The following DGCR2 variants were observed in gnomAD, a reference collection of about 807,000 sequenced individuals.
DGCR2 encodes the protein DiGeorge syndrome critical region gene 2.
A neutral mutation model predicts 51.6 loss-of-function variants in DGCR2; 24 were observed. That is an observed-to-expected ratio of 0.47 (90% CI 0.34 to 0.65). The LOEUF is 0.65. Among genes scored for constraint, DGCR2 ranks in the 30% least tolerant of loss-of-function variants. DGCR2 has a pLI of 0.01. For synonymous variants in DGCR2, 340 were observed against 315.4 expected (o/e 1.08, Z -0.82); for missense variants, 765 against 772.1 (o/e 0.99, Z 0.11).
At chr22:19,062,628 C>T (rs773740245) in intron 5 of DGCR2, among the ~76,000 whole-genome samples, 14 of 152,122 alleles carry the variant, frequency 9.2e-5, no homozygotes, top group Admixed American at 2.6e-4. Context: ...AGGAGGAGCT[C>T]GCCAGTGCCA....
At chr22:19,091,966 G>C (rs73158839) in intron 1 of DGCR2, among the ~76,000 whole-genome samples, 21,532 of 151,972 alleles carry the variant, frequency 0.14, 1,965 homozygotes, top group South Asian at 0.28. Flanking sequence ...GAAAAATAGA[G>C]AAAATAAGAA....
rs764835567 is a variant in DGCR2 at position 19,057,207 on chromosome 22, G to A, written c.626-45C>T. Reference sequence around the variant, plus strand: ...TGGGGCTGGACAACATCACATCAGAGGACAAGCTGTGCAGTCCTCAAGGGG... The same window carrying A: ...TGGGGCTGGACAACATCACATCAGAAGACAAGCTGTGCAGTCCTCAAGGGG... On this transcript the variant is annotated intron_variant, in intron 5 of 9. Coordinates refer to ENST00000263196, the MANE Select transcript of DGCR2 (RefSeq NM_005137.3). The surrounding 1 kb of genome is among the most constrained non-coding windows in gnomAD (Gnocchi z 5.1). 2.6e-6 allele frequency: 4 copies of A among 1,540,854 alleles called. No homozygotes were observed. The highest frequency in any genetic ancestry group is 3.5e-6 in the Non-Finnish European group (4 of 1,140,458).
chr22:19,118,228 C>T (rs1316696672), intron 1 of DGCR2, among the ~76,000 whole-genome samples: 1 of 152,026 alleles, frequency 6.6e-6, no homozygotes, highest in African/African-American at 2.4e-5. Flanking sequence ...CAAAATTATC[C>T]CAGCATGGTG....
chr22:19,093,901 G>A (rs572401086), intron 1 of DGCR2, among the ~76,000 whole-genome samples: 10 of 152,294 alleles, frequency 6.6e-5, no homozygotes, highest in Non-Finnish European at 1.5e-4. Context: ...AGCTACTCAG[G>A]AGGCTGAGGC....
At chr22:19,068,835 G>A (rs1216461462) in intron 2 of DGCR2, among the ~76,000 whole-genome samples, 1 of 152,280 alleles carries the variant, frequency 6.6e-6, no homozygotes, top group Non-Finnish European at 1.5e-5. Context: ...GCTAGAAGGT[G>A]TCAACAGGCA....
chr22:19,047,785 A>T (rs1013168250), intron 7 of DGCR2: 3 of 153,038 alleles, frequency 2.0e-5, no homozygotes, highest in African/African-American at 7.2e-5. Context: ...ATAATACTTC[A>T]TCTTTTTCTC....
intron 2 of DGCR2, among the ~76,000 whole-genome samples, chr22:19,075,000 A>T (rs186005048): frequency 6.3e-4 from 96 of 152,334 alleles, no homozygotes; most frequent in African/African-American, 2.2e-3. Context: ...CAAGGATACA[A>T]TCTTTCATTT....
chr22:19,065,988 T>G (rs529127942), intron 3 of DGCR2: 1 of 152,208 alleles, frequency 6.6e-6, no homozygotes, highest in Non-Finnish European at 1.5e-5. Flanking sequence ...TAAAGGCACA[T>G]AGATTACAGA....
At chr22:19,084,820 T>C (rs1232736608) in intron 2 of DGCR2, among the ~76,000 whole-genome samples, 6 of 118,524 alleles carry the variant, frequency 5.1e-5, no homozygotes, top group South Asian at 5.8e-4. Flanking sequence ...GGGGGGCGCC[T>C]CCGCCCGGCC....
At chr22:19,086,953 T>C (rs1457074321) in intron 2 of DGCR2, among the ~76,000 whole-genome samples, 1 of 152,182 alleles carries the variant, frequency 6.6e-6, no homozygotes, top group East Asian at 1.9e-4. Context: ...GGACAGTTAT[T>C]ACAAACAACT....
intron 5 of DGCR2, among the ~76,000 whole-genome samples, chr22:19,060,043 G>A (rs975564176): frequency 6.6e-6 from 1 of 152,146 alleles, no homozygotes; most frequent in African/African-American, 2.4e-5. Flanking sequence ...GCTCCCGAAT[G>A]CCCCACCACG....
intron 1 of DGCR2, among the ~76,000 whole-genome samples, chr22:19,093,773 C>G (rs1158715244): frequency 6.6e-6 from 1 of 151,846 alleles, no homozygotes; most frequent in Non-Finnish European, 1.5e-5. Context: ...AAGGTGGGAG[C>G]AACACTTGAG....
At chr22:19,076,488 T>C (rs1232450559) in intron 2 of DGCR2, among the ~76,000 whole-genome samples, 1 of 152,000 alleles carries the variant, frequency 6.6e-6, no homozygotes, top group Admixed American at 6.6e-5. Context: ...TTAATTTGGG[T>C]GGCACTGTCA....
intron 5 of DGCR2, among the ~76,000 whole-genome samples, chr22:19,060,175 C>T (rs1190756056): frequency 2.0e-5 from 3 of 152,214 alleles, no homozygotes; most frequent in Non-Finnish European, 4.4e-5. Flanking sequence ...ATGCACCTTC[C>T]AGTGGCTGCT....
chr22:19,072,415 T>C (rs1433763378), intron 2 of DGCR2, among the ~76,000 whole-genome samples: 2 of 151,966 alleles, frequency 1.3e-5, no homozygotes, highest in East Asian at 3.9e-4. Flanking sequence ...ATACAGCAGA[T>C]AGGGAAGGAC....
At chr22:19,070,270 AC>A (rs1253741826) in intron 2 of DGCR2, among the ~76,000 whole-genome samples, 3 of 152,212 alleles carry the variant, frequency 2.0e-5, no homozygotes, top group Non-Finnish European at 4.4e-5. Context: ...TGGGCCTGAG[AC>A]TGGAAGCTGA....
chr22:19,083,871 G>A (rs1275891865), intron 2 of DGCR2, among the ~76,000 whole-genome samples: 1 of 151,966 alleles, frequency 6.6e-6, no homozygotes, highest in Non-Finnish European at 1.5e-5. Flanking sequence ...GGCGCGCGCC[G>A]CCATGCCTGA....
At chr22:19,064,405 G>A (rs1304326833) in intron 4 of DGCR2, among the ~76,000 whole-genome samples, 1 of 152,224 alleles carries the variant, frequency 6.6e-6, no homozygotes, top group Non-Finnish European at 1.5e-5. Context: ...CATAACTGTG[G>A]AGTCAAAACC....
chr22:19,046,680 G>T (rs2082493059), intron 7 of DGCR2: 1 of 361,884 alleles, frequency 2.8e-6, no homozygotes, highest in Non-Finnish European at 5.8e-6. Flanking sequence ...CTTTCCAGAA[G>T]AAGGCCCTAG....
Sources: gnomAD v4.1 joint callset for allele counts (sites outside exome capture counted in the v4.1 genomes callset) on GRCh38, gnomAD v4.1.1 for gene constraint, Gnocchi (gnomAD v3.1) non-coding constraint, MANE v1.5 for transcripts, NCBI Gene and HGNC (gene_info 2026-07-23, HGNC 2026-07-21) for gene names.